Variants in ABLIM1 observed in about 807,000 individuals in gnomAD.
The protein encoded by ABLIM1 is actin-binding LIM protein 1.
ABLIM1 carries 40 observed loss-of-function variants against 107.0 expected under a neutral mutation model. The observed-to-expected ratio is 0.37, with a 90% CI of 0.29 to 0.49. The LOEUF is 0.49. Among genes scored for constraint, ABLIM1 ranks in the 20% least tolerant of loss-of-function variants. The pLI, the probability that ABLIM1 is intolerant of heterozygous loss-of-function variation, is 0.97. For missense variants in ABLIM1, 857 were observed against 1,008.5 expected (o/e 0.85, Z 2.04); for synonymous variants, 357 against 357.3 (o/e 1.00, Z 0.01).
At chr10:114,621,468 A>G (rs753049240) in intron 1 of ABLIM1, among the ~76,000 whole-genome samples, 3 of 152,210 alleles carry the variant, frequency 2.0e-5, no homozygotes, top group Non-Finnish European at 4.4e-5. Context: ...AGTTCATTCA[A>G]CATTCACTGA....
chr10:114,557,220 C>T (rs143116376), intron 4 of ABLIM1, among the ~76,000 whole-genome samples: 11 of 152,314 alleles, frequency 7.2e-5, no homozygotes, highest in Non-Finnish European at 1.5e-4. Flanking sequence ...TGCATAATCA[C>T]CCATGTCCCT....
upstream of ABLIM1, among the ~76,000 whole-genome samples, chr10:114,770,608 G>A (rs1566325924): frequency 1.3e-5 from 2 of 152,024 alleles, no homozygotes. Flanking sequence ...CAACTTCTGT[G>A]GCATTTACTT....
intron 1 of ABLIM1, among the ~76,000 whole-genome samples, chr10:114,765,774 A>C (rs192285096): frequency 2.5e-3 from 384 of 152,326 alleles, no homozygotes; most frequent in Non-Finnish European, 4.1e-3. Flanking sequence ...ATGTCTAGGA[A>C]ATTCTGGTTC....
Position 114,431,125 on chromosome 10 carries a change from C to T in ABLIM1, c.*5135G>A, listed in dbSNP as rs2058805333. On this transcript the variant is annotated 3_prime_UTR_variant, in exon 23 of 23. Coordinates refer to ENST00000533213, the MANE Select transcript of ABLIM1 (RefSeq NM_002313.7). ...TATGGAGGCATCTACGAATAAAGCA[C>T]ACAACTTTATTCACGAAGTTGTGAG... 2 of 152,174 alleles carry T rather than the reference C, an allele frequency of 1.3e-5. No individual in the cohort carries two copies. The allele number at this position is 152,174 out of a possible 1,614,324, so 9.4% of individuals were successfully genotyped here. A position where few individuals can be genotyped will look rare whatever the true frequency, so the allele number is the denominator to read the frequency against.
upstream of ABLIM1, among the ~76,000 whole-genome samples, chr10:114,689,880 T>G (rs1473895169): frequency 6.6e-6 from 1 of 152,166 alleles, no homozygotes; most frequent in Non-Finnish European, 1.5e-5. Flanking sequence ...TAATCACTGC[T>G]TGATGCTGCC....
chr10:114,730,714 G>GT (rs1262593797), intron 1 of ABLIM1, among the ~76,000 whole-genome samples: 1 of 152,036 alleles, frequency 6.6e-6, no homozygotes, highest in African/African-American at 2.4e-5. Context: ...CAATTTAGTG[G>GT]TTTTTGGTAT....
intron 6 of ABLIM1, among the ~76,000 whole-genome samples, chr10:114,531,767 CG>C (rs2065475702): frequency 6.6e-6 from 1 of 152,046 alleles, no homozygotes; most frequent in South Asian, 2.1e-4. Flanking sequence ...CTGCCTGCCT[CG>C]GCCTCCCAAA....
intron 1 of ABLIM1, among the ~76,000 whole-genome samples, chr10:114,602,532 C>A (rs985014547): frequency 6.6e-6 from 1 of 152,324 alleles, no homozygotes; most frequent in Non-Finnish European, 1.5e-5. Flanking sequence ...ACCAGAGGGT[C>A]ATTCCCGATC....
At chr10:114,485,435 G>A in intron 8 of ABLIM1, 4 of 1,441,830 alleles carry the variant, frequency 2.8e-6, no homozygotes, top group Non-Finnish European at 2.8e-6. Context: ...CCTCAAATCA[G>A]AAGAATTATT....
chr10:114,741,086 G>A (rs2082277416), intron 1 of ABLIM1, among the ~76,000 whole-genome samples: 1 of 151,492 alleles, frequency 6.6e-6, no homozygotes, highest in Admixed American at 6.6e-5. Context: ...GCTTCTCTGG[G>A]GTGATACATA....
intron 1 of ABLIM1, among the ~76,000 whole-genome samples, chr10:114,617,010 G>C (rs908378926): frequency 2.6e-5 from 4 of 152,214 alleles, no homozygotes; most frequent in Non-Finnish European, 4.4e-5. Flanking sequence ...ATGAAGACTG[G>C]TTGCAGAGCT....
chr10:114,527,659 C>CTTTTTTTT (rs10639922), intron 6 of ABLIM1, among the ~76,000 whole-genome samples: 1 of 127,306 alleles, frequency 7.9e-6, no homozygotes, highest in African/African-American at 3.1e-5. Flanking sequence ...CAACTCTTGT[C>CTTTTTTTT]TTTTTTTTTT....
At chr10:114,798,621 A>G in the ABLIM1 span, among the ~76,000 whole-genome samples, 155 of 149,382 alleles carry the variant, frequency 1.0e-3, no homozygotes, top group Non-Finnish European at 1.9e-3. Flanking sequence ...GCACATCTAT[A>G]GTCCCAGCTA....
At chr10:114,782,590 AT>A in the ABLIM1 span, among the ~76,000 whole-genome samples, 1 of 152,286 alleles carries the variant, frequency 6.6e-6, no homozygotes, top group East Asian at 1.9e-4. Context: ...AAAACCTGAA[AT>A]TTGTTTTTTA....
intron 1 of ABLIM1, among the ~76,000 whole-genome samples, chr10:114,634,594 G>A (rs1206235429): frequency 6.6e-6 from 1 of 152,206 alleles, no homozygotes; most frequent in South Asian, 2.1e-4. Context: ...TGGAGACTAA[G>A]TTGGCAGAGT....
chr10:114,606,766 C>A (rs994858885), intron 1 of ABLIM1, among the ~76,000 whole-genome samples: 1 of 152,198 alleles, frequency 6.6e-6, no homozygotes, highest in African/African-American at 2.4e-5. Context: ...GTACTGTCAA[C>A]CCCTTCTTAG....
the ABLIM1 span, among the ~76,000 whole-genome samples, chr10:114,780,545 G>T: frequency 6.6e-6 from 1 of 152,108 alleles, no homozygotes; most frequent in Non-Finnish European, 1.5e-5. Context: ...CCTGTTTGGG[G>T]ATTTGGCTCT....
At chr10:114,750,432 T>A (rs1433991189) in intron 1 of ABLIM1, among the ~76,000 whole-genome samples, 1 of 152,130 alleles carries the variant, frequency 6.6e-6, no homozygotes. Context: ...CAAGAAACAC[T>A]AGGAAATAGA....
At chr10:114,450,431 CTTTCTT>C (rs2061684161) in intron 14 of ABLIM1, among the ~76,000 whole-genome samples, 1 of 136,410 alleles carries the variant, frequency 7.3e-6, no homozygotes, top group African/African-American at 2.9e-5. Flanking sequence ...TTCTTTCTTT[CTTTCTT>C]TTTTTTTTTT....
Sources: gnomAD v4.1 joint callset for allele counts (sites outside exome capture counted in the v4.1 genomes callset) on GRCh38, gnomAD v4.1.1 for gene constraint, MANE v1.5 for transcripts, NCBI Gene and HGNC (gene_info 2026-07-23, HGNC 2026-07-21) for gene names.